The following KCNB2 variants were observed in gnomAD, a reference collection of about 807,000 sequenced individuals.
KCNB2 encodes delayed rectifier potassium channel protein.
Under a neutral mutation model 61.5 loss-of-function variants are expected in KCNB2, and 15 were observed. The observed-to-expected ratio is 0.24, with a 90% confidence interval of 0.16 to 0.38. KCNB2 has a LOEUF of 0.38. KCNB2 is among the 10% of genes least tolerant of loss of function. The pLI is 1.00. For missense variants in KCNB2, 828 were observed against 1,125.2 expected (o/e 0.74, Z 3.78); for synonymous variants, 457 against 446.0 (o/e 1.02, Z -0.31).
chr8:72,573,089 T>G (rs1176157601), intron 2 of KCNB2, among the ~76,000 whole-genome samples: 1 of 152,178 alleles, frequency 6.6e-6, no homozygotes, highest in Non-Finnish European at 1.5e-5. Context: ...TTGGTTGCCC[T>G]GTTGATAACT....
chr8:72,557,375 C>A (rs1018476018), intron 1 of KCNB2, among the ~76,000 whole-genome samples: 10 of 147,960 alleles, frequency 6.8e-5, no homozygotes, highest in Non-Finnish European at 1.3e-4. Context: ...AAAAAATGGA[C>A]TCACTAACTT....
intron 2 of KCNB2, among the ~76,000 whole-genome samples, chr8:72,755,686 A>C (rs937070277): frequency 3.3e-5 from 5 of 152,194 alleles, no homozygotes; most frequent in Non-Finnish European, 4.4e-5. Context: ...CAATTCTAGA[A>C]TCCAAGAGGT....
chr8:72,805,024 G>A (rs2129000028), intron 2 of KCNB2, among the ~76,000 whole-genome samples: 1 of 152,220 alleles, frequency 6.6e-6, no homozygotes, highest in East Asian at 1.9e-4. Flanking sequence ...TGGGCACTGG[G>A]GTCAGATTGC....
At chr8:72,679,651 C>A (rs1010847058) in intron 2 of KCNB2, among the ~76,000 whole-genome samples, 3 of 152,128 alleles carry the variant, frequency 2.0e-5, no homozygotes, top group Non-Finnish European at 4.4e-5. Context: ...TGAGATATTT[C>A]CAGTTAAATT....
chr8:72,712,737 A>G (rs901505212), intron 2 of KCNB2, among the ~76,000 whole-genome samples: 2 of 152,228 alleles, frequency 1.3e-5, no homozygotes, highest in African/African-American at 4.8e-5. Context: ...AGCATGAGCA[A>G]CACAGAAGAC....
At chr8:72,618,133 G>C (rs998026960) in intron 2 of KCNB2, among the ~76,000 whole-genome samples, 2 of 152,032 alleles carry the variant, frequency 1.3e-5, no homozygotes, top group African/African-American at 2.4e-5. Context: ...TACCGAGATG[G>C]CAATGTAGAC....
At chr8:72,727,938 G>A (rs962447950) in intron 2 of KCNB2, among the ~76,000 whole-genome samples, 4 of 152,222 alleles carry the variant, frequency 2.6e-5, no homozygotes, top group Admixed American at 6.5e-5. Flanking sequence ...TCCATTTATA[G>A]ACTTTATTTG....
intron 2 of KCNB2, among the ~76,000 whole-genome samples, chr8:72,582,325 T>A (rs1431969421): frequency 6.6e-6 from 1 of 152,194 alleles, no homozygotes; most frequent in African/African-American, 2.4e-5. Flanking sequence ...TTGGAAGGCA[T>A]CCCATTTCTA....
intron 2 of KCNB2, among the ~76,000 whole-genome samples, chr8:72,717,030 G>T (rs1052893122): frequency 6.6e-6 from 1 of 151,802 alleles, no homozygotes; most frequent in African/African-American, 2.4e-5. Context: ...CAGACAAACA[G>T]AGAGCCAAAT....
At chr8:72,619,673 G>T (rs898769294) in intron 2 of KCNB2, among the ~76,000 whole-genome samples, 1 of 151,904 alleles carries the variant, frequency 6.6e-6, no homozygotes, top group African/African-American at 2.4e-5. Context: ...TTCATTTCAA[G>T]AATTTTATTT....
At chr8:72,913,966 A>G (rs1486038819) in intron 2 of KCNB2, among the ~76,000 whole-genome samples, 1 of 152,204 alleles carries the variant, frequency 6.6e-6, no homozygotes, top group Non-Finnish European at 1.5e-5. Flanking sequence ...GGGGAAAAGG[A>G]TGTGTCTTAG....
intron 2 of KCNB2, among the ~76,000 whole-genome samples, chr8:72,758,191 G>T (rs1040805355): frequency 6.6e-6 from 1 of 152,160 alleles, no homozygotes; most frequent in African/African-American, 2.4e-5. Flanking sequence ...GTTCTGGAAC[G>T]GCCACTGAGA....
At chr8:72,683,059 C>T (rs1268454636) in intron 2 of KCNB2, among the ~76,000 whole-genome samples, 1 of 152,208 alleles carries the variant, frequency 6.6e-6, no homozygotes, top group African/African-American at 2.4e-5. Flanking sequence ...AAAAGAATCA[C>T]AGGCTCTGGT....
At chr8:72,832,039 T>A (rs566176531) in intron 2 of KCNB2, among the ~76,000 whole-genome samples, 2 of 152,360 alleles carry the variant, frequency 1.3e-5, no homozygotes, top group East Asian at 3.9e-4. Context: ...AAACATTATT[T>A]GGCTGATCCT....
At chr8:72,629,055 G>A (rs940651903) in intron 2 of KCNB2, among the ~76,000 whole-genome samples, 4 of 152,188 alleles carry the variant, frequency 2.6e-5, no homozygotes, top group Non-Finnish European at 5.9e-5. Flanking sequence ...ATGCAAGACA[G>A]TGACACCACA....
At chr8:72,918,476 A>C (rs1000096936) in intron 2 of KCNB2, among the ~76,000 whole-genome samples, 17 of 152,230 alleles carry the variant, frequency 1.1e-4, no homozygotes, top group African/African-American at 4.1e-4. Context: ...AGGGCCACAG[A>C]TAGTATTTGT....
chr8:72,659,007 C>T (rs1585812217), intron 2 of KCNB2, among the ~76,000 whole-genome samples: 1 of 152,252 alleles, frequency 6.6e-6, no homozygotes, highest in East Asian at 1.9e-4. Context: ...ATTCAATTTT[C>T]AGCCCATGGA....
chr8:72,870,182 G>A (rs1805593675), intron 2 of KCNB2, among the ~76,000 whole-genome samples: 1 of 152,098 alleles, frequency 6.6e-6, no homozygotes, highest in South Asian at 2.1e-4. Context: ...GTTGCCAGGG[G>A]CTAGAGGGGA....
intron 2 of KCNB2, among the ~76,000 whole-genome samples, chr8:72,893,456 T>A (rs1213872747): frequency 6.6e-6 from 1 of 152,178 alleles, no homozygotes; most frequent in Non-Finnish European, 1.5e-5. Flanking sequence ...ACTTCCATGT[T>A]TAGTAAGCAA....
Sources: gnomAD v4.1 joint callset for allele counts (sites outside exome capture counted in the v4.1 genomes callset) on GRCh38, gnomAD v4.1.1 for gene constraint, MANE v1.5 for transcripts, NCBI Gene and HGNC (gene_info 2026-07-23, HGNC 2026-07-21) for gene names.